EDIL3: variants seen among roughly 807,000 people sequenced by gnomAD.
EDIL3 encodes the protein EGF like and discoidin domains 3.
A neutral mutation model predicts 67.4 loss-of-function variants in EDIL3; 37 were observed. The ratio of observed to expected loss-of-function variants is 0.55; its 90% CI spans 0.42 to 0.72. The LOEUF is 0.72. Ranked by LOEUF, EDIL3 falls within the 30% of genes least tolerant of loss-of-function variation. The pLI is 0.00. For synonymous variants in EDIL3, 195 were observed against 196.3 expected (o/e 0.99, Z 0.05); for missense variants, 527 against 586.3 (o/e 0.90, Z 1.04).
At chr5:83,977,574 A>T (rs950420775) in intron 9 of EDIL3, among the ~76,000 whole-genome samples, 1 of 151,848 alleles carries the variant, frequency 6.6e-6, no homozygotes, top group African/African-American at 2.4e-5. Flanking sequence ...TTATAAGTCT[A>T]TTCAAGATTC....
chr5:84,000,810 A>G (rs889122911), intron 9 of EDIL3, among the ~76,000 whole-genome samples: 18 of 151,982 alleles, frequency 1.2e-4, no homozygotes, highest in African/African-American at 4.1e-4. Flanking sequence ...AATTAATAAT[A>G]AGATGTACTT....
At chr5:84,184,443 G>C (rs1383871725) in intron 3 of EDIL3, among the ~76,000 whole-genome samples, 1 of 152,202 alleles carries the variant, frequency 6.6e-6, no homozygotes, top group African/African-American at 2.4e-5. Flanking sequence ...GTGATGAAAA[G>C]TAGCTAGTAA....
intron 9 of EDIL3, among the ~76,000 whole-genome samples, chr5:84,000,700 A>G (rs1175213806): frequency 1.3e-5 from 2 of 152,076 alleles, no homozygotes; most frequent in East Asian, 3.9e-4. Context: ...ACAGTATTCC[A>G]GAATAGACCA....
rs1279278330 is a variant in EDIL3, at chr5:84,384,456, C to T, written c.-82G>A. The T allele has an allele frequency of 9.7e-6, 13 of 1,333,918 alleles. No individual in the cohort carries two copies. Among genetic ancestry groups the T allele is most frequent in the Non-Finnish European group, 1.4e-5 (13 of 936,330 alleles). The allele number at this position is 1,333,918 out of a possible 1,614,324, so 82.6% of individuals were successfully genotyped here. On this transcript the variant is annotated 5_prime_UTR_variant, in exon 1 of 11. Transcript: ENST00000296591. The stretch of plus-strand genomic sequence containing the variant: ...TAGCCGAGGTGGCAGCGCAGGGCAG[C>T]AGCAGACTCCGCCCCTACTAAAGAA...
intron 4 of EDIL3, among the ~76,000 whole-genome samples, chr5:84,179,022 A>G (rs1008349665): frequency 6.6e-6 from 1 of 152,200 alleles, no homozygotes; most frequent in African/African-American, 2.4e-5. Context: ...TATAGTTTGA[A>G]TATAGTATTT....
intron 1 of EDIL3, among the ~76,000 whole-genome samples, chr5:84,314,344 A>G (rs889352885): frequency 6.6e-6 from 1 of 152,216 alleles, no homozygotes; most frequent in Non-Finnish European, 1.5e-5. Context: ...TCCCATCATG[A>G]CTTTGAATCA....
intron 3 of EDIL3, among the ~76,000 whole-genome samples, chr5:84,189,330 A>G (rs1188953692): frequency 6.6e-6 from 1 of 151,990 alleles, no homozygotes; most frequent in Admixed American, 6.6e-5. Context: ...GTTAATCTTC[A>G]TCCACTTAAA....
At chr5:84,133,487 A>G (rs1048449170) in intron 5 of EDIL3, among the ~76,000 whole-genome samples, 15 of 137,938 alleles carry the variant, frequency 1.1e-4, no homozygotes, top group Non-Finnish European at 1.9e-4. Flanking sequence ...AAAAAAAAAA[A>G]TAGCCAGGAG....
At chr5:84,312,110 G>C (rs1332878858) in intron 1 of EDIL3, among the ~76,000 whole-genome samples, 1 of 152,100 alleles carries the variant, frequency 6.6e-6, no homozygotes, top group Non-Finnish European at 1.5e-5. Flanking sequence ...TGGGCAGCGG[G>C]GCTCCTCACT....
At chr5:84,384,187 C>T (rs946146221) in intron 1 of EDIL3, 121 bp downstream of exon 1, 10 of 1,279,810 alleles carry the variant, frequency 7.8e-6, no homozygotes, top group Non-Finnish European at 1.1e-5. Context: ...CTCCTCCGCG[C>T]CGCCAGCGGC....
At chr5:84,264,533 T>G (rs917411144) in intron 1 of EDIL3, among the ~76,000 whole-genome samples, 2 of 152,062 alleles carry the variant, frequency 1.3e-5, no homozygotes, top group Admixed American at 6.5e-5. Flanking sequence ...AGGCTTGTGG[T>G]TTTACCAGAT....
At chr5:84,367,179 T>C (rs971516770) in intron 1 of EDIL3, among the ~76,000 whole-genome samples, 1 of 152,158 alleles carries the variant, frequency 6.6e-6, no homozygotes, top group African/African-American at 2.4e-5. Flanking sequence ...GAAAAACAAA[T>C]AGCATTTCTT....
chr5:84,100,576 T>C (rs193262295), intron 6 of EDIL3, among the ~76,000 whole-genome samples: 56 of 151,798 alleles, frequency 3.7e-4, no homozygotes, highest in Middle Eastern at 6.8e-3. Context: ...GACTGTTGAG[T>C]GGGGCAGCTA....
chr5:84,356,112 A>G (rs1033097302), intron 1 of EDIL3, among the ~76,000 whole-genome samples: 8 of 152,238 alleles, frequency 5.3e-5, no homozygotes, highest in Admixed American at 1.3e-4. Context: ...TTCAAGGTTC[A>G]TTTTTAACAA....
chr5:84,352,281 C>T (rs1605936), intron 1 of EDIL3, among the ~76,000 whole-genome samples: 13,830 of 152,036 alleles, frequency 0.091, 787 homozygotes, highest in South Asian at 0.21. Context: ...ATCTCATTAC[C>T]GGGTATTTAC....
At position 84,101,857 on chromosome 5, in the gene EDIL3, GA is replaced by G. The variant is rs200756894; in HGVS notation, c.651+4791del. ...CATCCTGATACCAAAACCAGGCAGA[GA>G]CAAAACAAAAACAGAAAACTTCAGG... On this transcript the variant is annotated intron_variant, in intron 6 of 10. Coordinates refer to ENST00000296591, the MANE Select transcript of EDIL3 (RefSeq NM_005711.5). Among the ~76,000 whole-genome samples, 1,435 of 152,020 alleles carry G rather than the reference GA, an allele frequency of 9.4e-3. 55 individuals are homozygous for G. In the East Asian group the frequency reaches 0.1, roughly 11 times the overall value.
chr5:84,125,865 C>T (rs1014094876), intron 5 of EDIL3, among the ~76,000 whole-genome samples: 1 of 151,486 alleles, frequency 6.6e-6, no homozygotes, highest in African/African-American at 2.4e-5. Context: ...TGAAAAGGTT[C>T]GGTTGAATAT....
At chr5:84,324,789 A>G (rs993822128) in intron 1 of EDIL3, among the ~76,000 whole-genome samples, 2 of 151,734 alleles carry the variant, frequency 1.3e-5, no homozygotes, top group Non-Finnish European at 1.5e-5. Flanking sequence ...TTCTACATCG[A>G]CAAATTACAT....
At chr5:84,122,743 A>T (rs1324237009) in intron 5 of EDIL3, among the ~76,000 whole-genome samples, 1 of 151,896 alleles carries the variant, frequency 6.6e-6, no homozygotes, top group Non-Finnish European at 1.5e-5. Flanking sequence ...GTTTATGAAG[A>T]TGTAGGACAG....
Sources: gnomAD v4.1 joint callset for allele counts (sites outside exome capture counted in the v4.1 genomes callset) on GRCh38, gnomAD v4.1.1 for gene constraint, MANE v1.5 for transcripts, NCBI Gene and HGNC (gene_info 2026-07-23, HGNC 2026-07-21) for gene names.